SYT1: variants seen among roughly 807,000 people sequenced by gnomAD.
SYT1 encodes synaptotagmin 1.
A neutral mutation model predicts 44.8 loss-of-function variants in SYT1; 8 were observed. That is an observed-to-expected ratio of 0.18 (90% CI 0.10 to 0.32). The LOEUF (loss-of-function observed/expected upper bound fraction) is 0.32, where lower values mean the gene tolerates loss of function less well. SYT1 is among the 10% of genes least tolerant of loss of function. The probability of loss-of-function intolerance (pLI) is 1.00; values close to 1 mark genes in which losing one functional copy is unlikely to be tolerated. For synonymous variants in SYT1, 154 were observed against 188.8 expected, an observed-to-expected ratio of 0.82 and a Z score of 1.51; for missense variants, 286 against 509.3, an observed-to-expected ratio of 0.56 and a Z score of 4.22.
chr12:79,329,498 C>A (rs1238159346), intron 8 of SYT1, among the ~76,000 whole-genome samples: 1 of 152,208 alleles, frequency 6.6e-6, no homozygotes, highest in African/African-American at 2.4e-5. Context: ...GATGGGAATG[C>A]TACTGTACTT....
intron 3 of SYT1, among the ~76,000 whole-genome samples, chr12:79,085,767 A>G (rs1565799304): frequency 6.6e-6 from 1 of 152,138 alleles, no homozygotes; most frequent in African/African-American, 2.4e-5. Flanking sequence ...TTTGACTCCT[A>G]CAGTCCTTTA....
chr12:78,903,565 G>A (rs1252204859), intron 1 of SYT1, among the ~76,000 whole-genome samples: 10 of 152,014 alleles, frequency 6.6e-5, no homozygotes, highest in Admixed American at 1.3e-4. Flanking sequence ...GATTACAGGC[G>A]TGACCCACCG....
chr12:79,352,339 T>G (rs17214405), intron 8 of SYT1, among the ~76,000 whole-genome samples: 3,148 of 152,282 alleles, frequency 0.021, 40 homozygotes, highest in Middle Eastern at 0.065. Flanking sequence ...AGGGTATTAC[T>G]TGAAAGTGCC....
intron 4 of SYT1, among the ~76,000 whole-genome samples, chr12:79,237,132 G>A (rs1377757691): frequency 3.3e-5 from 5 of 152,312 alleles, no homozygotes; most frequent in South Asian, 4.1e-4. Flanking sequence ...TAGCAAAAGC[G>A]CAGATGTGAC....
intron 9 of SYT1, among the ~76,000 whole-genome samples, chr12:79,395,639 G>A (rs1022961546): frequency 6.6e-6 from 1 of 151,892 alleles, no homozygotes; most frequent in African/African-American, 2.4e-5. Context: ...CTCCTGCCTT[G>A]GCCTCCCAAA....
At chr12:79,014,137 AAG>A (rs1395178535) in intron 2 of SYT1, among the ~76,000 whole-genome samples, 10 of 141,994 alleles carry the variant, frequency 7.0e-5, no homozygotes, top group East Asian at 2.0e-4. Context: ...AAAAAAAAAA[AAG>A]AAAAAAAAAA....
chr12:78,985,973 A>G (rs2137460676), intron 2 of SYT1, among the ~76,000 whole-genome samples: 1 of 152,170 alleles, frequency 6.6e-6, no homozygotes, highest in African/African-American at 2.4e-5. Context: ...AGGAAAGAGA[A>G]ATTATATACC....
Position 79,368,467 on chromosome 12 carries a change from T to C in SYT1, c.928+14848T>C, listed in dbSNP as rs374962863. Among the ~76,000 whole-genome samples the C allele has an allele frequency of 1.7e-3, 254 of 150,068 alleles. 1 individual carries two copies. Among genetic ancestry groups the C allele is most frequent in the Middle Eastern group, 6.8e-3 (2 of 292 alleles). On this transcript the variant is annotated intron_variant, in intron 9 of 10. Transcript: ENST00000261205. The stretch of plus-strand genomic sequence containing the variant: ...TTCTAGTTCTAGATCCCTGAGGAAT[T>C]GCCACACTGACTTCCACAATGGTTG...
rs562350903 is a variant in SYT1, at chr12:79,349,931, A to C, written c.811-3571A>C. Among the ~76,000 whole-genome samples, 270 of 152,314 alleles carry C rather than the reference A, an allele frequency of 1.8e-3. 1 individual carries two copies. The highest frequency in any genetic ancestry group is 6.2e-3 in the African/African-American group (256 of 41,582). ...TCTAATTCTTCTATGTTGATGGACA[A>C]GAGATATAGTAAAAGCTTCACATGC... On this transcript the variant is annotated intron_variant, in intron 8 of 10. Coordinates refer to ENST00000261205, the MANE Select transcript of SYT1 (RefSeq NM_005639.3).
intron 3 of SYT1, among the ~76,000 whole-genome samples, chr12:79,073,254 A>C (rs1305368100): frequency 2.6e-5 from 4 of 152,072 alleles, no homozygotes; most frequent in Admixed American, 6.6e-5. Flanking sequence ...GGTGCATGCC[A>C]CCATGCCTGG....
chr12:79,199,469 T>C (rs1873653396), intron 3 of SYT1, among the ~76,000 whole-genome samples: 1 of 152,162 alleles, frequency 6.6e-6, no homozygotes, highest in South Asian at 2.1e-4. Flanking sequence ...GTGCCCCATA[T>C]TGTGTAGGCT....
intron 9 of SYT1, among the ~76,000 whole-genome samples, chr12:79,441,649 A>G (rs1288294277): frequency 1.3e-5 from 2 of 152,278 alleles, no homozygotes; most frequent in Admixed American, 6.5e-5. Flanking sequence ...TGTATCATGA[A>G]ATAGTAGAAT....
At chr12:79,405,091 G>T (rs1885197866) in intron 9 of SYT1, among the ~76,000 whole-genome samples, 2 of 152,170 alleles carry the variant, frequency 1.3e-5, no homozygotes, top group Non-Finnish European at 2.9e-5. Flanking sequence ...CAGTCCCATT[G>T]CTGGAAGCTA....
chr12:79,216,724 G>T (rs1231046164), intron 3 of SYT1, among the ~76,000 whole-genome samples: 1 of 151,830 alleles, frequency 6.6e-6, no homozygotes, highest in Non-Finnish European at 1.5e-5. Flanking sequence ...TAAAATAATT[G>T]AATACATTAA....
chr12:79,430,447 A>G lies in SYT1; in HGVS notation c.929-13626A>G, dbSNP rs114664975. ...TAAGTTCTTTGAAGAACAAATTGGA[A>G]TCTGCTGTTTTCTGTATGCCTTCAT... On this transcript the variant is annotated intron_variant, in intron 9 of 10. Transcript: ENST00000261205. 8.3e-3 allele frequency among the ~76,000 whole-genome samples: 1,268 copies of G among 152,332 alleles called. 12 individuals are homozygous for G. The highest frequency in any genetic ancestry group is 0.027 in the African/African-American group (1,138 of 41,576).
chr12:79,052,048 T>C (rs957865170), intron 3 of SYT1, among the ~76,000 whole-genome samples: 3 of 152,162 alleles, frequency 2.0e-5, no homozygotes, highest in African/African-American at 7.2e-5. Context: ...AAAATAGTTT[T>C]TTCCAATTCT....
Position 79,250,053 on chromosome 12 carries a change from A to G in SYT1, c.166+32368A>G, listed in dbSNP as rs1040558117. ...AATCATCTTAATTAATCTTCATGCA[A>G]TTCTATAAGATGAATATTATCATTA... On this transcript the variant is annotated intron_variant, in intron 4 of 10. Coordinates refer to ENST00000261205, the MANE Select transcript of SYT1 (RefSeq NM_005639.3). Among the ~76,000 whole-genome samples the G allele has an allele frequency of 5.3e-5, 8 of 152,226 alleles. 1 individual carries two copies. The highest frequency in any genetic ancestry group is 5.2e-4 in the Admixed American group (8 of 15,292).
At chr12:78,957,507 T>A (rs543531738) in intron 1 of SYT1, among the ~76,000 whole-genome samples, 1 of 152,282 alleles carries the variant, frequency 6.6e-6, no homozygotes, top group Non-Finnish European at 1.5e-5. Flanking sequence ...TTGGGATGAA[T>A]TTTATTGACT....
chr12:79,362,444 G>A (rs1382469835), intron 9 of SYT1, among the ~76,000 whole-genome samples: 1 of 152,146 alleles, frequency 6.6e-6, no homozygotes, highest in Non-Finnish European at 1.5e-5. Flanking sequence ...AAAAAGGCTT[G>A]ATGTTGTCAC....
Sources: gnomAD v4.1 joint callset for allele counts (sites outside exome capture counted in the v4.1 genomes callset) on GRCh38, gnomAD v4.1.1 for gene constraint, MANE v1.5 for transcripts, NCBI Gene and HGNC (gene_info 2026-07-23, HGNC 2026-07-21) for gene names.